Variants in SLC7A9 observed in about 807,000 individuals in gnomAD.
The protein encoded by SLC7A9 is solute carrier family 7 member 9.
In SLC7A9, 38 loss-of-function variants were observed where a neutral mutation model predicts 54.1. The ratio of observed to expected loss-of-function variants is 0.70; its 90% CI spans 0.54 to 0.92. The LOEUF is 0.92. Among genes scored for constraint, SLC7A9 ranks in the 40% least tolerant of loss-of-function variants. The pLI is 0.00. For missense variants in SLC7A9, 537 were observed against 636.1 expected (o/e 0.84, Z 1.68); for synonymous variants, 264 against 258.9 (o/e 1.02, Z -0.19).
At chr19:32,843,191 C>CTAA (rs1968178871) in intron 10 of SLC7A9, among the ~76,000 whole-genome samples, 1 of 152,114 alleles carries the variant, frequency 6.6e-6, no homozygotes, top group Non-Finnish European at 1.5e-5. Context: ...GGCACGGTGG[C>CTAA]TCATGCTTGT....
At chr19:32,848,846 A>G (rs1384260611) in intron 9 of SLC7A9, among the ~76,000 whole-genome samples, 1 of 152,250 alleles carries the variant, frequency 6.6e-6, no homozygotes, top group African/African-American at 2.4e-5. Flanking sequence ...CTCAGACCAC[A>G]GTGCAATCAA....
chr19:32,840,316 G>A (rs1055920723), intron 11 of SLC7A9, among the ~76,000 whole-genome samples: 3 of 152,042 alleles, frequency 2.0e-5, no homozygotes, highest in Non-Finnish European at 4.4e-5. Context: ...GGGACTATAG[G>A]CGTGCACCAC....
intron 12 of SLC7A9, among the ~76,000 whole-genome samples, chr19:32,832,265 GACA>G (rs1470188498): frequency 2.0e-5 from 3 of 150,890 alleles, no homozygotes; most frequent in African/African-American, 7.3e-5. Context: ...TTCCAGCCTG[GACA>G]ACAAGAGCAA....
chr19:32,842,344 G>C (rs764084548), intron 10 of SLC7A9, 27 bp from the exon 11 acceptor site: 4 of 1,604,448 alleles, frequency 2.5e-6, no homozygotes, highest in Non-Finnish European at 3.4e-6. Context: ...TGGATTTGTA[G>C]GTCATTACTA....
At chr19:32,843,577 T>C (rs575915944) in intron 10 of SLC7A9, among the ~76,000 whole-genome samples, 49 of 152,310 alleles carry the variant, frequency 3.2e-4, no homozygotes, top group Non-Finnish European at 1.2e-4. Context: ...TCTCCTTCCC[T>C]GTAAGCTAGT....
In SLC7A9 at chr19:32,862,668, AT is replaced by A. The variant is rs1250960402; in HGVS notation, c.479-83del. 0.11 allele frequency: 107,005 copies of A among 966,940 alleles called. 156 individuals carry two copies. Among genetic ancestry groups the A allele is most frequent in the East Asian group, 0.15 (3,862 of 26,528 alleles). The allele number at this position is 966,940 out of a possible 1,614,324, so 59.9% of individuals were successfully genotyped here. ...GTCTCCTTTCTTTTATATATTTTTT[AT>A]TTTTTTTTTTTTTTGAGATGGAGTC... On this transcript the variant is annotated intron_variant, in intron 4 of 12. Coordinates refer to ENST00000023064, the MANE Select transcript of SLC7A9 (RefSeq NM_014270.5).
chr19:32,843,998 CT>C (rs1968206649), intron 9 of SLC7A9, 47 bp from the exon 10 acceptor site: 1 of 1,400,910 alleles, frequency 7.1e-7, no homozygotes, highest in Non-Finnish European at 1.0e-6. Context: ...TGCAGACCAT[CT>C]GTCCAGGGCC....
chr19:32,861,538 G>A (rs887684793), intron 6 of SLC7A9, among the ~76,000 whole-genome samples: 3 of 152,150 alleles, frequency 2.0e-5, no homozygotes, highest in Non-Finnish European at 2.9e-5. Flanking sequence ...GGGGCTGGGC[G>A]CAGTGGCTCA....
intron 1 of SLC7A9, among the ~76,000 whole-genome samples, chr19:32,869,215 T>C (rs1969067420): frequency 6.6e-6 from 1 of 151,482 alleles, no homozygotes; most frequent in Admixed American, 6.6e-5. Flanking sequence ...AGAGCGAGAT[T>C]CTGTTTCAAA....
At chr19:32,863,285 GC>G (rs973796703) in intron 4 of SLC7A9, among the ~76,000 whole-genome samples, 2 of 63,118 alleles carry the variant, frequency 3.2e-5, no homozygotes, top group Non-Finnish European at 6.0e-5. Flanking sequence ...CCCCTCCCCC[GC>G]CCTGCTAATT....
Position 32,864,717 on chromosome 19 carries a change from G to T in SLC7A9, c.147C>A (p.Phe49Leu). Residue 49 changes from phenylalanine (F) to leucine (L), a missense_variant, in exon 3 of 13, where the codon TTC (phenylalanine) becomes TTA (leucine). By Grantham distance (22) the Phe-to-Leu change is conservative (BLOSUM62 0). Coordinates refer to ENST00000023064, the MANE Select transcript of SLC7A9 (RefSeq NM_014270.5). ...IVGTIIGSGIFVSPKSVLSNT... is the reference protein window; with the variant it reads ...IVGTIIGSGILVSPKSVLSNT... ...TGCTGAGCACAGACTTGGGGGAAAC[G>T]AAGATCCCAGAGCCAATGATGGTGC... is the stretch of plus-strand genomic sequence containing the variant. 3.1e-6 allele frequency: 5 copies of T among 1,614,206 alleles called. No homozygotes were observed. The highest frequency in any genetic ancestry group is 4.2e-6 in the Non-Finnish European group (5 of 1,180,032).
chr19:32,867,020 C>G (rs567168195), intron 2 of SLC7A9, among the ~76,000 whole-genome samples: 3 of 152,208 alleles, frequency 2.0e-5, no homozygotes, highest in African/African-American at 7.2e-5. Flanking sequence ...GCCTTCCCCC[C>G]AGCCCCAAGC....
At position 32,868,590 on chromosome 19, in the gene SLC7A9, T is replaced by C. The variant is rs1251935901; in HGVS notation, c.-56A>G. 1.4e-6 allele frequency: 2 copies of C among 1,468,136 alleles called. No individual in the cohort carries two copies. Among genetic ancestry groups the C allele is most frequent in the Non-Finnish European group, 1.9e-6 (2 of 1,047,358 alleles). 90.9% of individuals were successfully genotyped at this position (1,468,136 alleles called of 1,614,324 possible). The stretch of plus-strand genomic sequence containing the variant: ...AGGAGGGCGCACAGCTAAATCTTGG[T>C]TCAGCAGCAGCAGACAAGACGCAAG... On this transcript the variant is annotated 5_prime_UTR_variant, in exon 2 of 13. Transcript: ENST00000023064.
chr19:32,849,330 A>G (rs1419195413), intron 9 of SLC7A9, among the ~76,000 whole-genome samples: 1 of 152,140 alleles, frequency 6.6e-6, no homozygotes, highest in Non-Finnish European at 1.5e-5. Flanking sequence ...TAGACACAAT[A>G]AAAAATGATA....
chr19:32,858,425 G>A lies in SLC7A9; in HGVS notation c.977+15C>T, dbSNP rs757508871. The A allele has an allele frequency of 1.3e-6, 2 of 1,587,246 alleles. No homozygotes were observed. The highest frequency in any genetic ancestry group is 1.7e-6 in the Non-Finnish European group (2 of 1,157,324). ...GCCCCTGTCCACCCTGGGAGTGACG[G>A]TGGGGGTCCCCTACCTGCCCGCTGT... On this transcript the variant is annotated intron_variant, in intron 9 of 12. Transcript: ENST00000023064.
intron 9 of SLC7A9, among the ~76,000 whole-genome samples, chr19:32,855,557 C>G (rs1968600755): frequency 6.6e-6 from 1 of 152,110 alleles, no homozygotes. Flanking sequence ...AAAAAATTAG[C>G]CGGGCGTGAT....
At chr19:32,867,783 G>T (rs899244686) in intron 2 of SLC7A9, among the ~76,000 whole-genome samples, 2 of 149,228 alleles carry the variant, frequency 1.3e-5, no homozygotes, top group African/African-American at 4.9e-5. Flanking sequence ...CGTCTCTACT[G>T]AAAATACAAA....
chr19:32,847,413 A>C (rs1200353359), intron 9 of SLC7A9, among the ~76,000 whole-genome samples: 1 of 152,224 alleles, frequency 6.6e-6, no homozygotes, highest in Non-Finnish European at 1.5e-5. Context: ...AGCCGATGCG[A>C]TCAACTGGAA....
chr19:32,844,857 CAAAAA>C (rs386388892), intron 9 of SLC7A9, among the ~76,000 whole-genome samples: 564 of 30,248 alleles, frequency 0.019, 6 homozygotes, highest in African/African-American at 0.058. Flanking sequence ...GAATCCATCT[CAAAAA>C]AAAAAAAAAA....
Sources: gnomAD v4.1 joint callset for allele counts (sites outside exome capture counted in the v4.1 genomes callset) on GRCh38, gnomAD v4.1.1 for gene constraint, MANE v1.5 for transcripts, NCBI Gene and HGNC (gene_info 2026-07-23, HGNC 2026-07-21) for gene names.